The following BCAS1 variants were observed in gnomAD, a reference collection of about 807,000 sequenced individuals.
BCAS1 encodes brain enriched myelin associated protein 1, also known as breast carcinoma-amplified sequence 1.
A neutral mutation model predicts 65.4 loss-of-function variants in BCAS1; 46 were observed. That is an observed-to-expected ratio of 0.70 (90% CI 0.55 to 0.90). BCAS1 has a LOEUF of 0.90. Ranked by LOEUF, BCAS1 falls within the 40% of genes least tolerant of loss-of-function variation. The pLI, the probability that BCAS1 is intolerant of heterozygous loss-of-function variation, is 0.00. For missense variants in BCAS1, 793 were observed against 771.2 expected (o/e 1.03, Z -0.33); for synonymous variants, 298 against 293.5 (o/e 1.02, Z -0.16).
chr20:53,966,848 G>T, intron 10 of BCAS1, 58 bp downstream of exon 10: 1 of 1,501,238 alleles, frequency 6.7e-7, no homozygotes, highest in Non-Finnish European at 9.0e-7. Flanking sequence ...TGAGCCCATT[G>T]TTCCCAGAAG....
intron 4 of BCAS1, among the ~76,000 whole-genome samples, chr20:54,024,964 T>A (rs1184684349): frequency 6.6e-6 from 1 of 152,178 alleles, no homozygotes; most frequent in South Asian, 2.1e-4. Flanking sequence ...GATGCACTTA[T>A]CACAATGTCT....
Position 54,052,953 on chromosome 20 carries a change from G to A in BCAS1, c.142+5132C>T, listed in dbSNP as rs78966022. Among the ~76,000 whole-genome samples, 419 of 152,266 alleles carry A rather than the reference G, an allele frequency of 2.8e-3. 3 individuals carry two copies. Among genetic ancestry groups the A allele is most frequent in the Middle Eastern group, 6.8e-3 (2 of 294 alleles). On this transcript the variant is annotated intron_variant, in intron 3 of 12. Transcript: ENST00000688948. Reference sequence around the variant, plus strand: ...CTAATAATTCTCAAGATATTTTTGGGTTCAAATAAAACAACTATTTGAAAA... The same window carrying A: ...CTAATAATTCTCAAGATATTTTTGGATTCAAATAAAACAACTATTTGAAAA...
In BCAS1 at chr20:53,995,995, G is replaced by A. The variant is rs1003509863; in HGVS notation, c.779C>T (p.Ser260Phe). The A allele has an allele frequency of 1.2e-6, 2 of 1,613,054 alleles. No homozygotes were observed. The highest frequency in any genetic ancestry group is 1.7e-6 in the Non-Finnish European group (2 of 1,179,290). Residue 260 changes from serine (S) to phenylalanine (F), a missense_variant, in exon 5 of 13, where the codon TCT becomes TTT. Coordinates refer to ENST00000688948, the MANE Select transcript of BCAS1 (RefSeq NM_001366298.2). The stretch of plus-strand genomic sequence containing the variant: ...CAGTCCTTCTGGGTCCCCAGGGACA[G>A]AGCAATCCGCAGTTCCAAGTTCTTG... ...EGQELGTADC[S>F]VPGDPEGLET...
Position 53,983,113 on chromosome 20 carries a change from G to T in BCAS1, c.1275+2174C>A, listed in dbSNP as rs533278878. On this transcript the variant is annotated intron_variant, in intron 8 of 12. Coordinates refer to ENST00000688948, the MANE Select transcript of BCAS1 (RefSeq NM_001366298.2). Reference sequence around the variant, plus strand: ...AGTTGTCCTGACATTGTTTTTCAAAGGAATAGCTTGAACTTCAAAGAAGAA... The same window carrying T: ...AGTTGTCCTGACATTGTTTTTCAAATGAATAGCTTGAACTTCAAAGAAGAA... Among the ~76,000 whole-genome samples, 6 of 152,278 alleles carry T rather than the reference G, an allele frequency of 3.9e-5. No individual in the cohort carries two copies. The South Asian group carries it at 1.2e-3, about 32-fold the overall frequency.
intron 12 of BCAS1, among the ~76,000 whole-genome samples, chr20:53,949,102 A>C (rs563249243): frequency 3.4e-4 from 52 of 152,276 alleles, no homozygotes; most frequent in Admixed American, 7.2e-4. Flanking sequence ...AAGGGCCATC[A>C]AAGAAGTGGT....
intron 4 of BCAS1, among the ~76,000 whole-genome samples, chr20:54,010,702 A>G (rs2145954345): frequency 6.6e-6 from 1 of 152,350 alleles, no homozygotes; most frequent in South Asian, 2.1e-4. Flanking sequence ...TTCCTGTCAA[A>G]ATTCCAGCAC....
At chr20:54,026,462 C>T (rs1461432014) in intron 4 of BCAS1, among the ~76,000 whole-genome samples, 1 of 152,204 alleles carries the variant, frequency 6.6e-6, no homozygotes, top group Non-Finnish European at 1.5e-5. Flanking sequence ...CTATTCTATG[C>T]TGAACTGGTT....
At chr20:54,062,690 A>T (rs1305148013) in intron 1 of BCAS1, among the ~76,000 whole-genome samples, 8 of 152,214 alleles carry the variant, frequency 5.3e-5, no homozygotes, top group Non-Finnish European at 1.2e-4. Flanking sequence ...TTTTCTTCCC[A>T]CAGAGTTGGG....
At chr20:54,014,771 A>G (rs2091396918) in intron 4 of BCAS1, among the ~76,000 whole-genome samples, 1 of 152,198 alleles carries the variant, frequency 6.6e-6, no homozygotes, top group South Asian at 2.1e-4. Flanking sequence ...CTCTCCCCAG[A>G]GAATATCACG....
At chr20:53,974,966 G>T (rs949820139) in intron 9 of BCAS1, among the ~76,000 whole-genome samples, 3 of 152,172 alleles carry the variant, frequency 2.0e-5, no homozygotes, top group Admixed American at 6.5e-5. Context: ...ATGTTCTCAT[G>T]CCTGATGCAA....
chr20:54,021,265 T>C (rs1242942007), intron 4 of BCAS1, among the ~76,000 whole-genome samples: 1 of 151,892 alleles, frequency 6.6e-6, no homozygotes, highest in Non-Finnish European at 1.5e-5. Flanking sequence ...TCGGAAATAT[T>C]ACACGTCCAA....
At chr20:53,979,240 A>G (rs1269791884) in intron 8 of BCAS1, among the ~76,000 whole-genome samples, 1 of 152,196 alleles carries the variant, frequency 6.6e-6, no homozygotes, top group Non-Finnish European at 1.5e-5. Flanking sequence ...TAAAGGTTTC[A>G]AGAAATGGAC....
At chr20:53,996,245 T>C (rs527541444) in intron 4 of BCAS1, among the ~76,000 whole-genome samples, 195 bp from the exon 5 acceptor site, 6 of 152,258 alleles carry the variant, frequency 3.9e-5, no homozygotes, top group African/African-American at 1.2e-4. Context: ...TATTCAGCAT[T>C]TGCTGTTGGT....
At chr20:53,991,902 T>G (rs983499413) in intron 7 of BCAS1, among the ~76,000 whole-genome samples, 3 of 152,192 alleles carry the variant, frequency 2.0e-5, no homozygotes, top group Non-Finnish European at 2.9e-5. Flanking sequence ...ACTTCTCCTT[T>G]TCCAACTCTC....
rs1358747699 is a variant in BCAS1, at chr20:53,943,733, G to T, written c.*1189C>A. The T allele has an allele frequency of 6.6e-6, 1 of 152,092 alleles. No individual in the cohort carries two copies. The highest frequency in any genetic ancestry group is 6.5e-5 in the Admixed American group (1 of 15,272). 9.4% of individuals were successfully genotyped at this position (152,092 alleles called of 1,614,324 possible). On this transcript the variant is annotated 3_prime_UTR_variant, in exon 13 of 13. Coordinates refer to ENST00000688948, the MANE Select transcript of BCAS1 (RefSeq NM_001366298.2). ...AAATTTTTATTAACTGAGGTTATGGGGAGGGTTTTATCAGAGCACATCCTG... is the reference window on the plus strand; with the variant it reads ...AAATTTTTATTAACTGAGGTTATGGTGAGGGTTTTATCAGAGCACATCCTG...
intron 10 of BCAS1, among the ~76,000 whole-genome samples, chr20:53,961,823 A>G (rs2089886068): frequency 6.6e-6 from 1 of 152,222 alleles, no homozygotes; most frequent in Non-Finnish European, 1.5e-5. Context: ...CCCGCTTACC[A>G]GCTCCCGGAC....
At chr20:54,029,282 C>T in intron 3 of BCAS1, 1 of 963,750 alleles carries the variant, frequency 1.0e-6, no homozygotes, top group Non-Finnish European at 1.2e-6. Flanking sequence ...CCGTGAGCAG[C>T]ATATTGTCAT....
intron 3 of BCAS1, among the ~76,000 whole-genome samples, chr20:54,031,883 G>A (rs1254235575): frequency 4.6e-5 from 7 of 151,080 alleles, no homozygotes; most frequent in Middle Eastern, 3.2e-3. Flanking sequence ...AAGAGATGGA[G>A]GGAATGGAAT....
Position 53,953,704 on chromosome 20 carries a change from A to G in BCAS1, c.1552-9T>C, listed in dbSNP as rs1385284656. ...TCTGTGGAGTCTGATGTCTACAGCA[A>G]TTTCAAACAAAGTACATTTTTAGTG... On this transcript the variant is annotated splice_polypyrimidine_tract_variant and intron_variant, in intron 11 of 12. Coordinates refer to ENST00000688948, the MANE Select transcript of BCAS1 (RefSeq NM_001366298.2). 2 of 1,604,240 alleles carry G rather than the reference A, an allele frequency of 1.2e-6. No individual in the cohort carries two copies. Among genetic ancestry groups the G allele is most frequent in the East Asian group, 2.2e-5 (1 of 44,666 alleles).
Sources: gnomAD v4.1 joint callset for allele counts (sites outside exome capture counted in the v4.1 genomes callset) on GRCh38, gnomAD v4.1.1 for gene constraint, MANE v1.5 for transcripts, NCBI Gene and HGNC (gene_info 2026-07-23, HGNC 2026-07-21) for gene names.